The following PATJ variants were observed in gnomAD, a reference collection of about 807,000 sequenced individuals.
The protein encoded by PATJ is inaD-like protein.
Under a neutral mutation model 224.9 loss-of-function variants are expected in PATJ, and 190 were observed. The observed-to-expected ratio is 0.84, with a 90% CI of 0.75 to 0.95. PATJ has a LOEUF of 0.95. Ranked by LOEUF, PATJ falls within the 40% of genes least tolerant of loss-of-function variation. The pLI is 0.00. For synonymous variants in PATJ, 769 were observed against 820.3 expected, an observed-to-expected ratio of 0.94 and a Z score of 1.07; for missense variants, 2,121 against 2,270.3, an observed-to-expected ratio of 0.93 and a Z score of 1.34.
In PATJ at chr1:61,874,946, A is replaced by T. The variant is rs900996706; in HGVS notation, c.2836-297A>T. Among the ~76,000 whole-genome samples the T allele has an allele frequency of 1.2e-4, 18 of 152,370 alleles. No homozygotes were observed. The East Asian group carries it at 3.5e-3, about 29-fold the overall frequency. On this transcript the variant is annotated intron_variant, in intron 20 of 43. Coordinates refer to ENST00000642238, the MANE Select transcript of PATJ (RefSeq NM_001350145.3). ...AGCAGTTGACCTTGCTTGACTTGAT[A>T]GATCTTTTATTCCTCTACCTTGGTA...
At chr1:61,847,994 A>G (rs1483763276) in intron 17 of PATJ, among the ~76,000 whole-genome samples, 1 of 152,118 alleles carries the variant, frequency 6.6e-6, no homozygotes, top group African/African-American at 2.4e-5. Flanking sequence ...ATGTACATCA[A>G]TTTCATTGCT....
chr1:62,094,398 T>C (rs957853902), intron 33 of PATJ, among the ~76,000 whole-genome samples: 6 of 152,024 alleles, frequency 3.9e-5, no homozygotes, highest in African/African-American at 1.5e-4. Context: ...TGTTTCTCTT[T>C]TTTTTATTTT....
chr1:61,989,948 G>C (rs1284777340), intron 27 of PATJ, among the ~76,000 whole-genome samples: 2 of 152,084 alleles, frequency 1.3e-5, no homozygotes, highest in African/African-American at 2.4e-5. Flanking sequence ...GAGGCAGGGG[G>C]ATCACTTGAG....
At chr1:61,999,627 C>T (rs538971677) in intron 28 of PATJ, among the ~76,000 whole-genome samples, 25 of 151,616 alleles carry the variant, frequency 1.6e-4, no homozygotes, top group African/African-American at 5.1e-4. Flanking sequence ...GAGATCACAC[C>T]GTTGCACTCC....
intron 41 of PATJ, among the ~76,000 whole-genome samples, chr1:62,138,585 G>A (rs1338150639): frequency 6.6e-6 from 1 of 152,152 alleles, no homozygotes; most frequent in Non-Finnish European, 1.5e-5. Flanking sequence ...GGGATTACAG[G>A]TGTGAGCCAC....
chr1:61,914,564 C>A (rs748450276), intron 25 of PATJ, 23 bp from the exon 26 acceptor site: 21 of 1,168,324 alleles, frequency 1.8e-5, no homozygotes, highest in Non-Finnish European at 2.6e-5. Flanking sequence ...TTCTTCCCCC[C>A]ACCCCTTTTT....
intron 33 of PATJ, among the ~76,000 whole-genome samples, chr1:62,090,836 T>G (rs1295160532): frequency 6.6e-6 from 1 of 152,138 alleles, no homozygotes. Context: ...CTGATGTCCT[T>G]CAATGTCCAC....
At chr1:61,875,540 A>G in intron 21 of PATJ, 174 bp downstream of exon 21, 1 of 495,044 alleles carries the variant, frequency 2.0e-6, no homozygotes, top group Non-Finnish European at 3.6e-6. Context: ...AACATGCCTC[A>G]GATTTCAACT....
chr1:62,081,232 T>G (rs2148738117), intron 32 of PATJ, among the ~76,000 whole-genome samples: 1 of 152,286 alleles, frequency 6.6e-6, no homozygotes, highest in South Asian at 2.1e-4. Context: ...AAATTCAGCA[T>G]CCTTCCTGGT....
At chr1:61,762,304 C>A (rs1006973995) in intron 1 of PATJ, among the ~76,000 whole-genome samples, 2 of 151,934 alleles carry the variant, frequency 1.3e-5, no homozygotes, top group Non-Finnish European at 2.9e-5. Context: ...GGTCAGGTTT[C>A]TTTTTTTCCA....
intron 28 of PATJ, among the ~76,000 whole-genome samples, chr1:61,994,677 C>T (rs1483895566): frequency 6.6e-6 from 1 of 152,142 alleles, no homozygotes; most frequent in Non-Finnish European, 1.5e-5. Flanking sequence ...GCCTCAGCCT[C>T]CCAAGTAGCT....
chr1:62,148,317 G>A lies in PATJ; in HGVS notation c.5305G>A (p.Ala1769Thr). ...AGATACCAATATAAGCGCCATAGCAGCTCAGCTTGAAAACATGTCTACAGG... is the reference window on the plus strand; with the variant it reads ...AGATACCAATATAAGCGCCATAGCAACTCAGCTTGAAAACATGTCTACAGG... ...VADTNISAIAAQLENMSTGYH... is the reference protein window; with the variant it reads ...VADTNISAIATQLENMSTGYH... The change falls in exon 42 of 44, where the codon GCT (alanine) becomes ACT (threonine). Residue 1769 changes from alanine to threonine, a missense_variant. Ala to Thr is a moderately conservative substitution (Grantham distance 58). Transcript: ENST00000642238. 1 of 1,613,804 alleles carries A rather than the reference G, an allele frequency of 6.2e-7. No homozygotes were observed. Among genetic ancestry groups the A allele is most frequent in the African/African-American group, 1.3e-5 (1 of 74,958 alleles).
chr1:62,156,145 G>A (rs753602230), intron 43 of PATJ, among the ~76,000 whole-genome samples: 8 of 151,330 alleles, frequency 5.3e-5, no homozygotes, highest in Non-Finnish European at 1.2e-4. Context: ...AGAGGCTGAG[G>A]CAGGAGAATA....
chr1:61,786,365 G>A (rs1287022257), intron 7 of PATJ, among the ~76,000 whole-genome samples: 1 of 151,688 alleles, frequency 6.6e-6, no homozygotes, highest in Non-Finnish European at 1.5e-5. Context: ...GACCCGCAAG[G>A]TGTTTTGTTG....
chr1:62,014,223 A>G (rs1396217612), intron 28 of PATJ, among the ~76,000 whole-genome samples: 2 of 151,620 alleles, frequency 1.3e-5, no homozygotes, highest in Non-Finnish European at 2.9e-5. Context: ...ATAACTGGTT[A>G]ACTTTTTATT....
intron 41 of PATJ, 91 bp from the exon 42 acceptor site, chr1:62,148,193 T>TA: frequency 1.3e-6 from 1 of 781,516 alleles, no homozygotes; most frequent in Non-Finnish European, 2.3e-6. Context: ...TGAATAAGAT[T>TA]AGGATTGAGA....
chr1:62,114,294 T>C (rs747553366), intron 35 of PATJ, 48 bp downstream of exon 35: 5 of 1,509,974 alleles, frequency 3.3e-6, no homozygotes, highest in Non-Finnish European at 4.6e-6. Context: ...CATCCAGAGC[T>C]CTGATGCCTG....
chr1:62,067,613 CAA>C (rs1656707565), intron 31 of PATJ, among the ~76,000 whole-genome samples: 1 of 152,118 alleles, frequency 6.6e-6, no homozygotes, highest in South Asian at 2.1e-4. Context: ...GTGAGGTGGT[CAA>C]GAAGCTAGAT....
intron 22 of PATJ, among the ~76,000 whole-genome samples, chr1:61,888,858 T>A (rs1406990097): frequency 6.6e-6 from 1 of 152,240 alleles, no homozygotes; most frequent in African/African-American, 2.4e-5. Context: ...GCTGATTTCT[T>A]ATGCAGGCAC....
Sources: gnomAD v4.1 joint callset for allele counts (sites outside exome capture counted in the v4.1 genomes callset) on GRCh38, gnomAD v4.1.1 for gene constraint, MANE v1.5 for transcripts, NCBI Gene and HGNC (gene_info 2026-07-23, HGNC 2026-07-21) for gene names.